The following RBFOX3 variants were observed in gnomAD, a reference collection of about 807,000 sequenced individuals.
RBFOX3 encodes RNA binding fox-1 homolog 3, also known as RNA binding protein fox-1 homolog 3.
A neutral mutation model predicts 48.7 loss-of-function variants in RBFOX3; 17 were observed. That is an observed-to-expected ratio of 0.35 (90% CI 0.24 to 0.52). The LOEUF (loss-of-function observed/expected upper bound fraction) is 0.52. Ranked by LOEUF, RBFOX3 falls within the 20% of genes least tolerant of loss-of-function variation. The pLI is 0.94. For missense variants in RBFOX3, 382 were observed against 497.5 expected, an observed-to-expected ratio of 0.77 and a Z score of 2.21; for synonymous variants, 212 against 209.5, an observed-to-expected ratio of 1.01 and a Z score of -0.10.
In RBFOX3 at chr17:79,270,575, T is replaced by C. The variant is rs2067486511; in HGVS notation, c.-73-34770A>G. 2.6e-5 allele frequency among the ~76,000 whole-genome samples: 4 copies of C among 152,244 alleles called. No individual in the cohort carries two copies. The South Asian group carries it at 8.3e-4, about 31-fold the overall frequency. ...CACTGGGCAGGAACAAGGGCCGCCA[T>C]TTCTCACTGAGAATAATGCAATGGT... On this transcript the variant is annotated intron_variant, in intron 3 of 14. Coordinates refer to ENST00000693108, the MANE Select transcript of RBFOX3 (RefSeq NM_001350451.2).
chr17:79,352,362 T>A (rs1298479451), intron 2 of RBFOX3, among the ~76,000 whole-genome samples: 1 of 152,212 alleles, frequency 6.6e-6, no homozygotes, highest in Non-Finnish European at 1.5e-5. Flanking sequence ...CTGCTTCCTC[T>A]TTGTCTTCTG....
At chr17:79,152,446 G>A (rs568440669) in intron 4 of RBFOX3, among the ~76,000 whole-genome samples, 5 of 89,742 alleles carry the variant, frequency 5.6e-5, no homozygotes, top group African/African-American at 2.0e-4. Flanking sequence ...ACCTCCTTAG[G>A]GGGGACTAGG....
intron 2 of RBFOX3, among the ~76,000 whole-genome samples, chr17:79,388,491 T>C (rs568513706): frequency 4.6e-5 from 7 of 152,352 alleles, no homozygotes; most frequent in Admixed American, 1.3e-4. Flanking sequence ...CCCACCTGCA[T>C]GCGCCTTACT....
chr17:79,455,794 A>C (rs1344388942), intron 2 of RBFOX3, among the ~76,000 whole-genome samples: 3 of 152,172 alleles, frequency 2.0e-5, no homozygotes, highest in Non-Finnish European at 4.4e-5. Context: ...ACGCACAGCC[A>C]CACACAGCCC....
At chr17:79,627,601 A>G in the RBFOX3 span, among the ~76,000 whole-genome samples, 1 of 152,288 alleles carries the variant, frequency 6.6e-6, no homozygotes, top group African/African-American at 2.4e-5. Context: ...CGCCTCTCCA[A>G]GGATCCGAGA....
chr17:79,427,174 G>A (rs782388073), intron 2 of RBFOX3, among the ~76,000 whole-genome samples: 4 of 152,152 alleles, frequency 2.6e-5, no homozygotes, highest in African/African-American at 7.2e-5. Flanking sequence ...AGATGCGGAC[G>A]GGGGGCCCCT....
At chr17:79,133,906 T>C (rs1429004598) in intron 4 of RBFOX3, among the ~76,000 whole-genome samples, 1 of 152,202 alleles carries the variant, frequency 6.6e-6, no homozygotes, top group Non-Finnish European at 1.5e-5. Context: ...TCCCCCAGGG[T>C]TCCAGGGCCG....
chr17:79,276,461 G>T (rs576965704), intron 3 of RBFOX3, among the ~76,000 whole-genome samples: 1 of 152,120 alleles, frequency 6.6e-6, no homozygotes, highest in South Asian at 2.1e-4. Context: ...TGAGGCGGGC[G>T]GATCACCTGA....
intron 2 of RBFOX3, among the ~76,000 whole-genome samples, chr17:79,420,685 G>A (rs548435671): frequency 1.6e-4 from 25 of 152,310 alleles, no homozygotes; most frequent in Non-Finnish European, 2.2e-4. Context: ...TGAAGAGCTC[G>A]GCCACCCGAG....
At chr17:79,292,319 G>A (rs9907380) in intron 3 of RBFOX3, among the ~76,000 whole-genome samples, 3 of 151,408 alleles carry the variant, frequency 2.0e-5, no homozygotes, top group African/African-American at 4.9e-5. Context: ...TCAGGACCCC[G>A]CATGCCTCCA....
intron 1 of RBFOX3, among the ~76,000 whole-genome samples, chr17:79,587,303 G>C (rs2093280336): frequency 6.6e-6 from 1 of 152,210 alleles, no homozygotes; most frequent in African/African-American, 2.4e-5. Context: ...GTAAGGGGCA[G>C]CAGTGGTGCC....
intron 1 of RBFOX3, among the ~76,000 whole-genome samples, chr17:79,550,816 A>G (rs1024163786): frequency 2.0e-4 from 30 of 152,250 alleles, no homozygotes; most frequent in African/African-American, 6.7e-4. Flanking sequence ...GGGTTGATTT[A>G]TGGACAGACA....
chr17:79,452,932 C>T (rs114888843), intron 2 of RBFOX3, among the ~76,000 whole-genome samples: 5,098 of 152,272 alleles, frequency 0.033, 100 homozygotes, highest in Middle Eastern at 0.061. Context: ...CACGGCCCCC[C>T]GGCCACCTGG....
At chr17:79,365,167 G>T (rs559051534) in intron 2 of RBFOX3, among the ~76,000 whole-genome samples, 1 of 151,898 alleles carries the variant, frequency 6.6e-6, no homozygotes. Flanking sequence ...ACATGCACAC[G>T]GTATTTCTGG....
chr17:79,456,205 C>T (rs1598771575), intron 2 of RBFOX3, among the ~76,000 whole-genome samples: 1 of 152,340 alleles, frequency 6.6e-6, no homozygotes, highest in South Asian at 2.1e-4. Flanking sequence ...GTCTTTCTTT[C>T]TGCTACTCAA....
chr17:79,505,623 TACC>T (rs1255464205), intron 1 of RBFOX3, among the ~76,000 whole-genome samples: 1 of 152,074 alleles, frequency 6.6e-6, no homozygotes, highest in African/African-American at 2.4e-5. Flanking sequence ...ACCAAGGAGG[TACC>T]ACCACCAGCT....
chr17:79,534,709 G>A (rs763885996), intron 1 of RBFOX3, among the ~76,000 whole-genome samples: 7 of 152,310 alleles, frequency 4.6e-5, no homozygotes, highest in Admixed American at 2.6e-4. Context: ...ACCTAACAGC[G>A]GTGTCTGGAG....
At chr17:79,257,319 C>T (rs1600254187) in intron 3 of RBFOX3, among the ~76,000 whole-genome samples, 1 of 152,232 alleles carries the variant, frequency 6.6e-6, no homozygotes, top group East Asian at 1.9e-4. Context: ...GGTGAGTTTT[C>T]AGTTCATGCT....
At chr17:79,468,360 G>A (rs2076584835) in intron 2 of RBFOX3, among the ~76,000 whole-genome samples, 1 of 152,190 alleles carries the variant, frequency 6.6e-6, no homozygotes, top group African/African-American at 2.4e-5. Flanking sequence ...AGGTAGACAG[G>A]TGACAGATGA....
Sources: gnomAD v4.1 joint callset for allele counts (sites outside exome capture counted in the v4.1 genomes callset) on GRCh38, gnomAD v4.1.1 for gene constraint, MANE v1.5 for transcripts, NCBI Gene and HGNC (gene_info 2026-07-23, HGNC 2026-07-21) for gene names.